COL5A2: variants seen among roughly 807,000 people sequenced by gnomAD.
COL5A2 encodes the protein collagen type V alpha 2 chain, also known as collagen alpha-2(V) chain.
COL5A2 carries 23 observed loss-of-function variants against 208.2 expected under a neutral mutation model. The observed-to-expected ratio is 0.11, with a 90% CI of 0.08 to 0.16. COL5A2 has a LOEUF of 0.16. Ranked by LOEUF, COL5A2 falls within the 10% of genes least tolerant of loss-of-function variation. COL5A2 has a pLI of 1.00. For missense variants in COL5A2, 1,590 were observed against 1,956.4 expected (o/e 0.81, Z 3.53); for synonymous variants, 625 against 628.5 (o/e 0.99, Z 0.08).
chr2:189,217,838 T>TCAGAGC (rs1200241513), intron 1 of COL5A2, among the ~76,000 whole-genome samples: 1 of 152,142 alleles, frequency 6.6e-6, no homozygotes, highest in African/African-American at 2.4e-5. Flanking sequence ...ATGATGACGC[T>TCAGAGC]CAGAGCACAT....
At position 189,045,857 on chromosome 2, in the gene COL5A2, G is replaced by A. The variant is rs1576490715; in HGVS notation, c.3252C>T (p.Ala1084=). The change falls in exon 46 of 54, where the codon GCC becomes GCT. Residue 1084 remains alanine (A), a synonymous_variant. Transcript: ENST00000374866. ...CACCCACAGGGCCAGGAGTTCCAGG[G>A]GCACCCTGAGAGCCTGGCAGACCTG... The part of the protein sequence containing the change: ...GPAGLPGSQG[A]PGTPGPVGAP... 5 of 1,613,972 alleles carry A rather than the reference G, an allele frequency of 3.1e-6. No homozygotes were observed. In the African/African-American group the frequency reaches 4.0e-5, roughly 13 times the overall value.
intron 45 of COL5A2, among the ~76,000 whole-genome samples, chr2:189,047,083 C>T (rs1685685499): frequency 6.7e-6 from 1 of 150,012 alleles, no homozygotes. Context: ...GATCGTGTCA[C>T]TGCACTCCAG....
the COL5A2 span, among the ~76,000 whole-genome samples, chr2:189,441,091 A>G: frequency 6.6e-6 from 1 of 152,096 alleles, no homozygotes; most frequent in African/African-American, 2.4e-5. Context: ...GTCATCCTGC[A>G]GCGCCGACAC....
chr2:189,423,963 T>C, the COL5A2 span, among the ~76,000 whole-genome samples: 2 of 151,666 alleles, frequency 1.3e-5, no homozygotes, highest in Non-Finnish European at 2.9e-5. Context: ...AAATTACCAG[T>C]AAAACAAATT....
the COL5A2 span, among the ~76,000 whole-genome samples, chr2:189,295,451 C>T: frequency 2.0e-5 from 3 of 152,014 alleles, no homozygotes; most frequent in African/African-American, 7.2e-5. Context: ...ACAAATAATA[C>T]CAAAAATACA....
At chr2:189,167,600 G>C (rs1688490737) in intron 1 of COL5A2, among the ~76,000 whole-genome samples, 1 of 150,878 alleles carries the variant, frequency 6.6e-6, no homozygotes, top group Non-Finnish European at 1.5e-5. Context: ...TAAAAAACTT[G>C]CCTAATCTCA....
At chr2:189,376,990 G>C in the COL5A2 span, among the ~76,000 whole-genome samples, 2 of 152,056 alleles carry the variant, frequency 1.3e-5, no homozygotes, top group Admixed American at 1.3e-4. Flanking sequence ...TACCAATTAC[G>C]TGCATGAGTG....
At chr2:189,387,008 T>C in the COL5A2 span, among the ~76,000 whole-genome samples, 1 of 152,098 alleles carries the variant, frequency 6.6e-6, no homozygotes, top group Non-Finnish European at 1.5e-5. Context: ...AAAGGATACA[T>C]GCACCCATAT....
chr2:189,247,656 T>C, the COL5A2 span, among the ~76,000 whole-genome samples: 2 of 151,732 alleles, frequency 1.3e-5, no homozygotes, highest in Non-Finnish European at 2.9e-5. Context: ...CTCAGCTCAC[T>C]GCAACCTCCA....
the COL5A2 span, among the ~76,000 whole-genome samples, chr2:189,332,312 AC>A: frequency 1.3e-5 from 2 of 152,214 alleles, no homozygotes; most frequent in Non-Finnish European, 2.9e-5. Context: ...TTAATAGAGC[AC>A]TATAACCAAC....
At chr2:189,261,940 A>T in the COL5A2 span, among the ~76,000 whole-genome samples, 1 of 152,196 alleles carries the variant, frequency 6.6e-6, no homozygotes, top group Non-Finnish European at 1.5e-5. Flanking sequence ...AAATCCTAAA[A>T]TATGAAAACC....
intron 12 of COL5A2, among the ~76,000 whole-genome samples, chr2:189,083,423 G>T (rs902945572): frequency 2.0e-5 from 3 of 152,026 alleles, no homozygotes; most frequent in Non-Finnish European, 2.9e-5. Flanking sequence ...AGTGTAAATT[G>T]TCATGATTTT....
the COL5A2 span, among the ~76,000 whole-genome samples, chr2:189,294,461 C>T: frequency 6.6e-6 from 1 of 152,042 alleles, no homozygotes; most frequent in Admixed American, 6.6e-5. Flanking sequence ...AATCTGATAC[C>T]CCTTTTTAGT....
At chr2:189,421,842 T>C in the COL5A2 span, among the ~76,000 whole-genome samples, 1 of 152,132 alleles carries the variant, frequency 6.6e-6, no homozygotes, top group South Asian at 2.1e-4. Context: ...CCAGCCTCTA[T>C]GACTAAGGAT....
At chr2:189,133,319 C>T (rs1687761491) in intron 1 of COL5A2, among the ~76,000 whole-genome samples, 1 of 151,602 alleles carries the variant, frequency 6.6e-6, no homozygotes, top group Non-Finnish European at 1.5e-5. Flanking sequence ...CGGGGTTTCA[C>T]CATGTTGGCC....
chr2:189,162,732 T>C (rs1688392420), intron 1 of COL5A2, among the ~76,000 whole-genome samples: 1 of 152,180 alleles, frequency 6.6e-6, no homozygotes. Context: ...ACACACACAC[T>C]ACTTGTAAAG....
At chr2:189,389,295 C>T in the COL5A2 span, among the ~76,000 whole-genome samples, 3 of 152,074 alleles carry the variant, frequency 2.0e-5, no homozygotes, top group Non-Finnish European at 4.4e-5. Flanking sequence ...TGATTGATGG[C>T]CATAATTCTA....
At chr2:189,237,243 A>G in the COL5A2 span, among the ~76,000 whole-genome samples, 1 of 151,564 alleles carries the variant, frequency 6.6e-6, no homozygotes, top group Admixed American at 6.6e-5. Flanking sequence ...TATTTCCTCC[A>G]CCATATATGC....
At chr2:189,434,472 T>C in the COL5A2 span, among the ~76,000 whole-genome samples, 4,295 of 152,230 alleles carry the variant, frequency 0.028, 199 homozygotes, top group African/African-American at 0.098. Context: ...GATAAGCAAC[T>C]TCAGCAAAGT....
Sources: allele counts gnomAD v4.1 joint callset (sites outside exome capture counted in the v4.1 genomes callset), GRCh38; gene constraint gnomAD v4.1.1; transcripts MANE v1.5; gene names NCBI Gene and HGNC (gene_info 2026-07-23, HGNC 2026-07-21).